Variants in TRIM33 observed in about 807,000 individuals in gnomAD.
The protein encoded by TRIM33 is E3 ubiquitin-protein ligase TRIM33.
TRIM33 carries 20 observed loss-of-function variants against 125.4 expected under a neutral mutation model. The observed-to-expected ratio is 0.16, with a 90% confidence interval of 0.11 to 0.23. The LOEUF (loss-of-function observed/expected upper bound fraction) is 0.23. Among genes scored for constraint, TRIM33 ranks in the 10% least tolerant of loss-of-function variants. The probability of loss-of-function intolerance (pLI) is 1.00; values close to 1 mark genes in which losing one functional copy is unlikely to be tolerated. For missense variants in TRIM33, 920 were observed against 1,411.4 expected (o/e 0.65, Z 5.58); for synonymous variants, 564 against 513.9 (o/e 1.10, Z -1.32).
intron 4 of TRIM33, among the ~76,000 whole-genome samples, chr1:114,438,649 A>G (rs1453582384): frequency 6.6e-6 from 1 of 152,204 alleles, no homozygotes; most frequent in African/African-American, 2.4e-5. Flanking sequence ...CATAGTTAAA[A>G]GCTAGATGAC....
At chr1:114,406,799 AAG>A (rs1652272158) in intron 14 of TRIM33, 140 bp downstream of exon 14, 1 of 756,658 alleles carries the variant, frequency 1.3e-6, no homozygotes, top group African/African-American at 1.8e-5. Flanking sequence ...GAGTTAGAAA[AAG>A]AGATATCTGG....
chr1:114,477,677 AACAGAAT>A (rs1651059584), intron 1 of TRIM33, among the ~76,000 whole-genome samples: 1 of 152,268 alleles, frequency 6.6e-6, no homozygotes, highest in Admixed American at 6.5e-5. Flanking sequence ...ATCACTGTGT[AACAGAAT>A]TTTCTGCAAT....
Position 114,511,157 on chromosome 1 carries a change from G to C in TRIM33, c.-81C>G, listed in dbSNP as rs980530018. 3 of 1,050,012 alleles carry C rather than the reference G, an allele frequency of 2.9e-6. No individual in the cohort carries two copies. The South Asian group carries it at 1.3e-4, about 46-fold the overall frequency. The allele number at this position is 1,050,012 out of a possible 1,614,324, so 65.0% of individuals were successfully genotyped here. On this transcript the variant is annotated 5_prime_UTR_variant, in exon 1 of 20. Coordinates refer to ENST00000358465, the MANE Select transcript of TRIM33 (RefSeq NM_015906.4). The stretch of plus-strand genomic sequence containing the variant: ...GCCGCCGCCGCCCCCAGCCCCAGCC[G>C]CAGCCGCAGCAAGAGCGGCAGCCGA...
chr1:114,421,754 CA>C, intron 10 of TRIM33, 118 bp from the exon 11 acceptor site: 1 of 901,476 alleles, frequency 1.1e-6, no homozygotes, highest in Non-Finnish European at 1.7e-6. Context: ...TGGGCCCTTT[CA>C]AACTTATTCA....
chr1:114,463,259 T>C, intron 3 of TRIM33, 23 bp from the exon 4 acceptor site: 2 of 1,574,060 alleles, frequency 1.3e-6, no homozygotes, highest in African/African-American at 1.4e-5. Context: ...AAAACAAATA[T>C]TTTTTAACCA....
chr1:114,444,145 C>T (rs3789622), intron 4 of TRIM33, among the ~76,000 whole-genome samples: 7 of 152,106 alleles, frequency 4.6e-5, no homozygotes, highest in Non-Finnish European at 8.8e-5. Context: ...GCAAAAATCA[C>T]GGTGTGGGCT....
chr1:114,493,543 CCAAAGTGCTATGATTA>C (rs1210749459), intron 1 of TRIM33, among the ~76,000 whole-genome samples: 9 of 152,190 alleles, frequency 5.9e-5, no homozygotes, highest in African/African-American at 2.2e-4. Context: ...CCTCAGCCTA[CCAAAGTGCTATGATTA>C]CATGCGTAAG....
intron 1 of TRIM33, among the ~76,000 whole-genome samples, chr1:114,482,877 G>T (rs1328684521): frequency 6.6e-6 from 1 of 152,190 alleles, no homozygotes; most frequent in African/African-American, 2.4e-5. Flanking sequence ...GCAGAAGCCT[G>T]CACAGCAGGA....
chr1:114,436,545 A>G (rs571493753), intron 4 of TRIM33, among the ~76,000 whole-genome samples: 1 of 152,076 alleles, frequency 6.6e-6, no homozygotes, highest in Non-Finnish European at 1.5e-5. Flanking sequence ...AGCTCACTGC[A>G]ACCTCCACCT....
rs1653287425 is a variant in TRIM33 at position 114,510,627 on chromosome 1, G to A, written c.450C>T (p.Cys150=). The change falls in exon 1 of 20, where the codon TGC becomes TGT. Residue 150 remains cysteine (C), a synonymous_variant. Coordinates refer to ENST00000358465, the MANE Select transcript of TRIM33 (RefSeq NM_015906.4). ...PKLLPCLHSF[C]LRCLPEPERQ... is the part of the protein sequence containing the mutation. ...GCTCCGGCTCGGGCAGGCAGCGCAGGCAGAAGGAGTGAAGACAGGGCAGCA... is the reference window on the plus strand; with the variant it reads ...GCTCCGGCTCGGGCAGGCAGCGCAGACAGAAGGAGTGAAGACAGGGCAGCA... 3 of 1,565,182 alleles carry A rather than the reference G, an allele frequency of 1.9e-6. No individual in the cohort carries two copies. Among genetic ancestry groups the A allele is most frequent in the East Asian group, 2.3e-5 (1 of 42,730 alleles).
chr1:114,454,116 G>A (rs1047506649), intron 4 of TRIM33, among the ~76,000 whole-genome samples: 1 of 152,154 alleles, frequency 6.6e-6, no homozygotes, highest in Non-Finnish European at 1.5e-5. Context: ...GAAGTGAAAG[G>A]AGTCTCGTGG....
At chr1:114,470,625 A>G (rs1570614626) in intron 1 of TRIM33, among the ~76,000 whole-genome samples, 1 of 143,466 alleles carries the variant, frequency 7.0e-6, no homozygotes, top group South Asian at 2.3e-4. Flanking sequence ...TCGATTCAGC[A>G]TGACTTGGTC....
chr1:114,480,944 A>C (rs566411426), intron 1 of TRIM33, among the ~76,000 whole-genome samples: 1 of 152,270 alleles, frequency 6.6e-6, no homozygotes, highest in South Asian at 2.1e-4. Context: ...CATCAGAAAA[A>C]AAAAGATTCT....
At chr1:114,492,616 T>C (rs186833134) in intron 1 of TRIM33, among the ~76,000 whole-genome samples, 94 of 152,308 alleles carry the variant, frequency 6.2e-4, no homozygotes, top group Non-Finnish European at 1.3e-3. Context: ...TAACCTCTAG[T>C]CTACTTTCTG....
intron 17 of TRIM33, 24 bp from the exon 18 acceptor site, chr1:114,399,633 A>G: frequency 6.5e-7 from 1 of 1,547,806 alleles, no homozygotes; most frequent in African/African-American, 1.4e-5. Context: ...ATAATGGCAA[A>G]TAAGAATTCT....
intron 1 of TRIM33, among the ~76,000 whole-genome samples, chr1:114,471,201 C>T (rs185783520): frequency 9.1e-4 from 139 of 152,274 alleles, no homozygotes; most frequent in South Asian, 1.0e-3. Flanking sequence ...GTAATTCCAG[C>T]GATTTGGAAG....
chr1:114,432,057 T>A (rs1160267621), intron 5 of TRIM33, among the ~76,000 whole-genome samples: 4 of 152,150 alleles, frequency 2.6e-5, no homozygotes, highest in Admixed American at 2.6e-4. Context: ...ATAATGGAGA[T>A]AGGTCAGTGA....
intron 1 of TRIM33, among the ~76,000 whole-genome samples, chr1:114,473,446 G>C (rs1650778304): frequency 6.6e-6 from 1 of 152,004 alleles, no homozygotes; most frequent in South Asian, 2.1e-4. Context: ...GACCACACAG[G>C]CTAAACTAAT....
chr1:114,493,409 T>G (rs1428803394), intron 1 of TRIM33, among the ~76,000 whole-genome samples: 2 of 152,194 alleles, frequency 1.3e-5, no homozygotes, highest in Non-Finnish European at 2.9e-5. Flanking sequence ...GACTTACTAT[T>G]TTTTCTTTAG....
Sources: gnomAD v4.1 joint callset for allele counts (sites outside exome capture counted in the v4.1 genomes callset) on GRCh38, gnomAD v4.1.1 for gene constraint, MANE v1.5 for transcripts, NCBI Gene and HGNC (gene_info 2026-07-23, HGNC 2026-07-21) for gene names.